The following ANO1 variants were observed in gnomAD, a reference collection of about 807,000 sequenced individuals.
The protein encoded by ANO1 is anoctamin-1.
Under a neutral mutation model 124.0 loss-of-function variants are expected in ANO1, and 59 were observed. The ratio of observed to expected loss-of-function variants is 0.48; its 90% confidence interval spans 0.39 to 0.59. The LOEUF (loss-of-function observed/expected upper bound fraction) is 0.59. Among genes scored for constraint, ANO1 ranks in the 20% least tolerant of loss-of-function variants. The pLI is 0.00. For synonymous variants in ANO1, 529 were observed against 532.0 expected (o/e 0.99, Z 0.08); for missense variants, 1,059 against 1,328.0 (o/e 0.80, Z 3.15).
At chr11:69,980,395 G>A in the ANO1 span, among the ~76,000 whole-genome samples, 817 of 152,174 alleles carry the variant, frequency 5.4e-3, 5 homozygotes, top group African/African-American at 0.018. Context: ...AGGTCAAGGC[G>A]GGTGGGTCAT....
intron 11 of ANO1, among the ~76,000 whole-genome samples, chr11:70,142,889 A>G (rs1165543584): frequency 6.6e-6 from 1 of 152,190 alleles, no homozygotes; most frequent in Non-Finnish European, 1.5e-5. Flanking sequence ...TACGAATCCC[A>G]TCACGAGGAC....
At chr11:70,101,336 G>A (rs982326508) in intron 2 of ANO1, among the ~76,000 whole-genome samples, 2 of 151,468 alleles carry the variant, frequency 1.3e-5, no homozygotes, top group Non-Finnish European at 2.9e-5. Context: ...CAGGCAGATC[G>A]CCTGAGGTCA....
Position 70,105,080 on chromosome 11 carries a change from G to A in ANO1, c.693-654G>A, listed in dbSNP as rs556744136. On this transcript the variant is annotated intron_variant, in intron 4 of 25. Coordinates refer to ENST00000355303, the MANE Select transcript of ANO1 (RefSeq NM_018043.7). ...AAACCGCCCTCCTTCCAGGACCCCC[G>A]CCGACCTCCCTCGTCTCTGCCCTGG... Among the ~76,000 whole-genome samples the A allele has an allele frequency of 2.6e-5, 4 of 152,004 alleles. No homozygotes were observed. In the East Asian group the frequency reaches 5.8e-4, roughly 22 times the overall value.
intron 11 of ANO1, among the ~76,000 whole-genome samples, chr11:70,149,271 A>G (rs1366689658): frequency 6.6e-6 from 1 of 152,182 alleles, no homozygotes; most frequent in African/African-American, 2.4e-5. Context: ...CTTGCCTCAC[A>G]GGATTGGCGG....
intron 6 of ANO1, among the ~76,000 whole-genome samples, chr11:70,110,927 G>A (rs1387825463): frequency 6.6e-6 from 1 of 152,268 alleles, no homozygotes; most frequent in Non-Finnish European, 1.5e-5. Flanking sequence ...AGGACACACA[G>A]GCATGGTGTT....
Position 70,052,531 on chromosome 11 carries a change from C to CTTTTT in ANO1, c.59-25977_59-25973dup, listed in dbSNP as rs200770702. Among the ~76,000 whole-genome samples the CTTTTT allele has an allele frequency of 1.1e-3, 74 of 65,846 alleles. 3 individuals are homozygous for CTTTTT. Among genetic ancestry groups the CTTTTT allele is most frequent in the Non-Finnish European group, 1.6e-3 (48 of 29,892 alleles). The allele number at this position is 65,846 out of a possible 152,430, so 43.2% of individuals were successfully genotyped here. ...TTTGGGGAGAATTTCTTTTTCTTTT[C>CTTTTT]TTTTTTTTTTTTTTTTTTTTTTTTT... On this transcript the variant is annotated intron_variant, in intron 1 of 27. Coordinates refer to the ANO1 transcript ENST00000531349.
In ANO1 at chr11:70,155,791, G is replaced by A. The variant is rs892105599; in HGVS notation, c.1426-120G>A. ...GAGTCAGCCTTGGCAGTGAGCTTAC[G>A]GCCCGCACCAGGAGGGGCCAGCCTG... On this transcript the variant is annotated intron_variant, in intron 14 of 25. Transcript: ENST00000355303. The A allele has an allele frequency of 1.3e-4, 114 of 880,472 alleles. No individual in the cohort carries two copies. The African/African-American group carries it at 1.9e-3, about 15-fold the overall frequency. 54.5% of individuals were successfully genotyped at this position (880,472 alleles called of 1,614,324 possible).
intron 1 of ANO1, among the ~76,000 whole-genome samples, chr11:70,057,357 C>A (rs915253790): frequency 6.6e-6 from 1 of 152,054 alleles, no homozygotes; most frequent in African/African-American, 2.4e-5. Context: ...GAAAGCAGGT[C>A]TTTTTCTGAG....
intron 2 of ANO1, among the ~76,000 whole-genome samples, chr11:70,093,182 TTC>T (rs1190687628): frequency 6.7e-6 from 1 of 150,140 alleles, no homozygotes; most frequent in Non-Finnish European, 1.5e-5. Context: ...ATCATTCCCT[TTC>T]TCTCTTCTCT....
rs148894148 is a variant in ANO1 at position 70,047,092 on chromosome 11, A to AG, written c.59-31450_59-31449insG. On this transcript the variant is annotated intron_variant, in intron 1 of 27. Coordinates refer to the ANO1 transcript ENST00000531349. ...CGAGACTCTGTCTCAAAAAAAAAAAAAAAAAGAAAAAGAAAGAAAGAAAAA... is the reference window on the plus strand; with the variant it reads ...CGAGACTCTGTCTCAAAAAAAAAAAAGAAAAAGAAAAAGAAAGAAAGAAAAA... Among the ~76,000 whole-genome samples, 53 of 146,192 alleles carry AG rather than the reference A, an allele frequency of 3.6e-4. 1 individual carries two copies. Among genetic ancestry groups the AG allele is most frequent in the South Asian group, 6.4e-4 (3 of 4,654 alleles).
At chr11:70,052,870 T>G (rs1227573954) in intron 1 of ANO1, among the ~76,000 whole-genome samples, 1 of 152,194 alleles carries the variant, frequency 6.6e-6, no homozygotes, top group African/African-American at 2.4e-5. Flanking sequence ...AATTAATGGT[T>G]ATACTATATT....
At chr11:70,111,236 A>G (rs1374078331) in intron 6 of ANO1, 1 of 460,346 alleles carries the variant, frequency 2.2e-6, no homozygotes, top group Non-Finnish European at 4.3e-6. Flanking sequence ...CCTAAAATCT[A>G]ATTCCAAATT....
At chr11:70,177,742 G>A (rs1192526023) in intron 22 of ANO1, among the ~76,000 whole-genome samples, 3 of 151,720 alleles carry the variant, frequency 2.0e-5, no homozygotes, top group African/African-American at 7.3e-5. Flanking sequence ...TGGGATTACA[G>A]GCGCCCGCCA....
chr11:70,129,328 T>A (rs1316336273), intron 10 of ANO1: 1 of 152,210 alleles, frequency 6.6e-6, no homozygotes, highest in Non-Finnish European at 1.5e-5. Flanking sequence ...GGTTGTTTAA[T>A]CCTCCTGACA....
intron 12 of ANO1, 166 bp downstream of exon 12, chr11:70,149,958 C>A (rs1482632774): frequency 6.8e-6 from 5 of 732,908 alleles, no homozygotes; most frequent in Non-Finnish European, 1.2e-5. Flanking sequence ...CGCCACTCAA[C>A]ACCCTGGCGT....
At chr11:70,051,581 C>A (rs1565169163) in intron 1 of ANO1, among the ~76,000 whole-genome samples, 1 of 152,188 alleles carries the variant, frequency 6.6e-6, no homozygotes, top group Non-Finnish European at 1.5e-5. Flanking sequence ...TTTTGTTTTG[C>A]TTTCAGCCAT....
chr11:70,180,043 C>A lies in ANO1; in HGVS notation c.2390C>A (p.Ala797Asp), dbSNP rs200588928. The A allele has an allele frequency of 6.8e-6, 11 of 1,613,006 alleles. No homozygotes were observed. The highest frequency in any genetic ancestry group is 9.3e-6 in the Non-Finnish European group (11 of 1,179,040). The change falls in exon 23 of 26, where the codon GCT (alanine) becomes GAT (aspartate). Residue 797 changes from alanine to aspartate, a missense_variant. Ala to Asp is a moderately radical substitution (Grantham distance 126). Around this residue, in one of 2 missense-constraint regions of ANO1, gnomAD observed 809 missense variants for 1,094.9 expected, o/e 0.74. Coordinates refer to ENST00000355303, the MANE Select transcript of ANO1 (RefSeq NM_018043.7). The part of the protein sequence containing the change: ...YNILRGIGKL[A>D]VIINAFVISF... ...ATCCTCAGAGGCATTGGGAAGCTTG[C>A]TGTCATCATCAATGTAAGTGACATC... is the stretch of plus-strand genomic sequence containing the variant.
chr11:70,002,749 A>G (rs1264420763), intron 1 of ANO1, among the ~76,000 whole-genome samples: 1 of 152,206 alleles, frequency 6.6e-6, no homozygotes, highest in Non-Finnish European at 1.5e-5. Flanking sequence ...TAAAGAAGTC[A>G]TGGGTGCCGT....
chr11:70,149,496 C>A, intron 11 of ANO1: 1 of 513,550 alleles, frequency 1.9e-6, no homozygotes, highest in Non-Finnish European at 3.5e-6. Context: ...ACTAAAAATA[C>A]AAAGATTAGC....
Sources: allele counts gnomAD v4.1 joint callset (sites outside exome capture counted in the v4.1 genomes callset), GRCh38; gene constraint gnomAD v4.1.1; regional missense constraint gnomAD v4.1.1; transcripts MANE v1.5; gene names NCBI Gene and HGNC (gene_info 2026-07-23, HGNC 2026-07-21).